Variants in ENTREP1 observed in about 807,000 individuals in gnomAD.
ENTREP1 encodes endosomal transmembrane epsin interactor 1.
chr9:69,334,775 CT>C, the ENTREP1 span, among the ~76,000 whole-genome samples: 16,610 of 130,282 alleles, frequency 0.13, 604 homozygotes, highest in African/African-American at 0.17. Context: ...CTTTCCTTTT[CT>C]TTTTTTTTTT....
chr9:69,324,852 C>A, the ENTREP1 span: 1 of 985,274 alleles, frequency 1.0e-6, no homozygotes, highest in Non-Finnish European at 1.2e-6. Flanking sequence ...CTAGCCCCAG[C>A]TCGGCGGGTG....
At chr9:69,366,384 G>GTTTTTTTTTTTTTTTTTTTTTTTTT in the ENTREP1 span, among the ~76,000 whole-genome samples, 3 of 122,990 alleles carry the variant, frequency 2.4e-5, no homozygotes, top group African/African-American at 8.6e-5. Flanking sequence ...TTCCAACTGG[G>GTTTTTTTTTTTTTTTTTTTTTTTTT]GTTTTTTTTT....
chr9:69,335,373 G>T, the ENTREP1 span, among the ~76,000 whole-genome samples: 46,584 of 152,088 alleles, frequency 0.31, 8,819 homozygotes, highest in Non-Finnish European at 0.41. Flanking sequence ...CAGGGCAGGT[G>T]ACTGCTAAAT....
At chr9:69,361,126 T>C in the ENTREP1 span, among the ~76,000 whole-genome samples, 1 of 152,138 alleles carries the variant, frequency 6.6e-6, no homozygotes, top group Admixed American at 6.6e-5. Context: ...GTGACTTTTT[T>C]TTAAAAAGGG....
At chr9:69,364,445 C>T in the ENTREP1 span, among the ~76,000 whole-genome samples, 1 of 151,808 alleles carries the variant, frequency 6.6e-6, no homozygotes. Context: ...GAAATTCTTC[C>T]CCTTCCCAGA....
chr9:69,354,447 A>G, the ENTREP1 span, among the ~76,000 whole-genome samples: 1 of 151,936 alleles, frequency 6.6e-6, no homozygotes, highest in South Asian at 2.1e-4. Context: ...TAGTAGAGAC[A>G]GGGTTTCACC....
chr9:69,390,651 C>CT, the ENTREP1 span, among the ~76,000 whole-genome samples: 1 of 152,090 alleles, frequency 6.6e-6, no homozygotes, highest in African/African-American at 2.4e-5. Flanking sequence ...TTGACTGTTT[C>CT]TTTTTTGAAA....
chr9:69,326,603 A>G, the ENTREP1 span, among the ~76,000 whole-genome samples: 1 of 152,092 alleles, frequency 6.6e-6, no homozygotes, highest in Admixed American at 6.6e-5. Context: ...ACAATCTCAC[A>G]ATTTCCAAGG....
the ENTREP1 span, among the ~76,000 whole-genome samples, chr9:69,327,464 T>C: frequency 6.6e-6 from 1 of 152,340 alleles, no homozygotes; most frequent in African/African-American, 2.4e-5. Flanking sequence ...AAAATCATAA[T>C]CTATTGTCTT....
chr9:69,377,431 C>T, the ENTREP1 span: 1 of 1,614,128 alleles, frequency 6.2e-7, no homozygotes, highest in Non-Finnish European at 8.5e-7. Context: ...TTGGTGGCCG[C>T]TGCCCTCCGC....
At chr9:69,385,943 G>T in the ENTREP1 span, 51 of 1,600,800 alleles carry the variant, frequency 3.2e-5, 1 homozygote, top group Non-Finnish European at 8.5e-6. Flanking sequence ...CTTCTGAGGA[G>T]AGAGGTGATG....
the ENTREP1 span, among the ~76,000 whole-genome samples, chr9:69,327,988 A>G: frequency 1.1e-3 from 169 of 152,310 alleles, no homozygotes; most frequent in African/African-American, 3.7e-3. Context: ...GCTTTAGGGG[A>G]AAAAAGCCTT....
the ENTREP1 span, among the ~76,000 whole-genome samples, chr9:69,352,085 T>A: frequency 6.6e-6 from 1 of 152,260 alleles, no homozygotes; most frequent in Middle Eastern, 3.4e-3. Context: ...GTGATTCTGA[T>A]TGACATCTAG....
At chr9:69,379,196 G>A in the ENTREP1 span, among the ~76,000 whole-genome samples, 2 of 152,188 alleles carry the variant, frequency 1.3e-5, no homozygotes, top group African/African-American at 4.8e-5. Flanking sequence ...GAGGTTTTTA[G>A]AGAAGTATTT....
At chr9:69,358,000 C>T in the ENTREP1 span, among the ~76,000 whole-genome samples, 1 of 152,144 alleles carries the variant, frequency 6.6e-6, no homozygotes, top group Non-Finnish European at 1.5e-5. Flanking sequence ...TCTTATTAAC[C>T]AGTGACTAAT....
At chr9:69,326,928 G>A in the ENTREP1 span, among the ~76,000 whole-genome samples, 1 of 149,214 alleles carries the variant, frequency 6.7e-6, no homozygotes, top group Non-Finnish European at 1.5e-5. Context: ...CTAGGTTTTA[G>A]TAAGATGTAT....
At chr9:69,332,250 G>T in the ENTREP1 span, among the ~76,000 whole-genome samples, 1 of 152,226 alleles carries the variant, frequency 6.6e-6, no homozygotes, top group Admixed American at 6.5e-5. Flanking sequence ...ATAAAAGTAG[G>T]TGTGTGCCTT....
the ENTREP1 span, chr9:69,386,317 A>T: frequency 0.43 from 68,824 of 158,344 alleles, 15,545 homozygotes; most frequent in African/African-American, 0.56. Context: ...ATTTTTGTAT[A>T]CTCCCTCTTT....
chr9:69,328,477 A>G, the ENTREP1 span, among the ~76,000 whole-genome samples: 9 of 152,328 alleles, frequency 5.9e-5, no homozygotes, highest in Admixed American at 5.2e-4. Flanking sequence ...TTCACCCAGT[A>G]GCTATCAACA....
Sources: allele counts gnomAD v4.1 joint callset (sites outside exome capture counted in the v4.1 genomes callset), GRCh38; gene constraint gnomAD v4.1.1; transcripts MANE v1.5; gene names NCBI Gene and HGNC (gene_info 2026-07-23, HGNC 2026-07-21).